The following DSCAM variants were observed in gnomAD, a reference collection of about 807,000 sequenced individuals.
DSCAM encodes cell adhesion molecule DSCAM.
In DSCAM, 47 loss-of-function variants were observed where a neutral mutation model predicts 217.7. That is an observed-to-expected ratio of 0.22 (90% CI 0.17 to 0.28). DSCAM has a LOEUF of 0.28. DSCAM is among the 10% of genes least tolerant of loss of function. The pLI is 1.00. For synonymous variants in DSCAM, 1,056 were observed against 1,015.3 expected (o/e 1.04, Z -0.76); for missense variants, 2,080 against 2,618.3 (o/e 0.79, Z 4.49).
chr21:40,826,288 G>T (rs187243676), intron 1 of DSCAM, among the ~76,000 whole-genome samples: 2 of 152,176 alleles, frequency 1.3e-5, no homozygotes, highest in South Asian at 4.1e-4. Flanking sequence ...CAGAACACGC[G>T]GCCAGTGCAG....
intron 1 of DSCAM, among the ~76,000 whole-genome samples, chr21:40,746,674 A>G (rs2091178016): frequency 6.6e-6 from 1 of 151,874 alleles, no homozygotes; most frequent in Non-Finnish European, 1.5e-5. Flanking sequence ...CAGACAGAAA[A>G]CCAACAAAGA....
intron 3 of DSCAM, among the ~76,000 whole-genome samples, chr21:40,507,139 T>G (rs1601699757): frequency 6.6e-6 from 1 of 151,948 alleles, no homozygotes; most frequent in African/African-American, 2.4e-5. Context: ...TAGCCAGGCA[T>G]GGTGGCACAC....
chr21:40,560,401 G>T (rs994445891), intron 3 of DSCAM, among the ~76,000 whole-genome samples: 2 of 152,142 alleles, frequency 1.3e-5, no homozygotes, highest in African/African-American at 4.8e-5. Context: ...GCCAGCTCTA[G>T]ATTTCACAAC....
At chr21:40,532,866 CTCTG>C (rs773083418) in intron 3 of DSCAM, among the ~76,000 whole-genome samples, 5 of 103,778 alleles carry the variant, frequency 4.8e-5, no homozygotes, top group South Asian at 7.3e-4. Flanking sequence ...AGCCACAAGG[CTCTG>C]TGTGTGTGTG....
chr21:40,663,834 ACT>A, intron 3 of DSCAM, among the ~76,000 whole-genome samples: 1 of 151,952 alleles, frequency 6.6e-6, no homozygotes, highest in Non-Finnish European at 1.5e-5. Context: ...GAAGGCAGTT[ACT>A]CCTGGAGTTT....
chr21:40,632,601 C>A (rs949530063), intron 3 of DSCAM, among the ~76,000 whole-genome samples: 1 of 152,126 alleles, frequency 6.6e-6, no homozygotes, highest in African/African-American at 2.4e-5. Context: ...CAACACTGAG[C>A]CCAAAATAAA....
rs959947901 is a variant in DSCAM, at chr21:40,144,469, A to C, written c.3259+22T>G. The C allele has an allele frequency of 6.2e-7, 1 of 1,612,182 alleles. No homozygotes were observed. The highest frequency in any genetic ancestry group is 8.5e-7 in the Non-Finnish European group (1 of 1,178,442). On this transcript the variant is annotated intron_variant, in intron 17 of 32. Transcript: ENST00000400454. The surrounding 1 kb of genome is among the most constrained non-coding windows in gnomAD (Gnocchi z 4.8). ...AACCTTTGCGGAGGGAAAAGCCACGACCAGGCCCCGGCCGAACCTACCATC... is the reference window on the plus strand; with the variant it reads ...AACCTTTGCGGAGGGAAAAGCCACGCCCAGGCCCCGGCCGAACCTACCATC...
intron 1 of DSCAM, among the ~76,000 whole-genome samples, chr21:40,788,266 C>T (rs772197013): frequency 5.9e-5 from 9 of 152,216 alleles, no homozygotes; most frequent in Admixed American, 2.6e-4. Flanking sequence ...CATCAGCACA[C>T]ATTTCTTCTT....
At chr21:40,794,145 G>A (rs1005396082) in intron 1 of DSCAM, among the ~76,000 whole-genome samples, 12 of 151,998 alleles carry the variant, frequency 7.9e-5, no homozygotes, top group Admixed American at 2.6e-4. Flanking sequence ...TTTTTATATC[G>A]CAAAGGGATT....
chr21:40,379,138 A>T (rs1160003254), intron 3 of DSCAM, among the ~76,000 whole-genome samples: 1 of 152,232 alleles, frequency 6.6e-6, no homozygotes, highest in Non-Finnish European at 1.5e-5. Flanking sequence ...GGATCAGCAG[A>T]TATCTGCCCA....
intron 32 of DSCAM, among the ~76,000 whole-genome samples, chr21:40,036,720 G>T (rs199704330): frequency 0.092 from 13,172 of 143,204 alleles, 1,633 homozygotes; most frequent in East Asian, 0.39. Context: ...CCAAAAAAGA[G>T]AATTTTAGAC....
At chr21:40,497,053 T>A (rs566104492) in intron 3 of DSCAM, among the ~76,000 whole-genome samples, 69 of 152,330 alleles carry the variant, frequency 4.5e-4, no homozygotes, top group African/African-American at 1.5e-3. Flanking sequence ...AAATTTACAC[T>A]GGTACAGCCA....
chr21:40,392,520 A>G (rs1263225537), intron 3 of DSCAM, among the ~76,000 whole-genome samples: 2 of 152,216 alleles, frequency 1.3e-5, no homozygotes, highest in Admixed American at 6.5e-5. Context: ...AGAAAGTAAT[A>G]ATCACATGAA....
chr21:40,730,741 C>A (rs902658284), intron 1 of DSCAM, among the ~76,000 whole-genome samples: 1 of 152,178 alleles, frequency 6.6e-6, no homozygotes, highest in African/African-American at 2.4e-5. Context: ...CCCGGACTCA[C>A]AATACCCCAG....
rs751993568 is a variant in DSCAM, at chr21:40,078,643, C to T, written c.4711+44G>A. The T allele has an allele frequency of 3.1e-6, 5 of 1,587,728 alleles. No individual in the cohort carries two copies. In the East Asian group the frequency reaches 6.7e-5, roughly 21 times the overall value. Reference sequence around the variant, plus strand: ...AAAGGGGCAGGGCCCACGTGCACATCCCCCAAGACACAAGCAGGAGAGCCA... The same window carrying T: ...AAAGGGGCAGGGCCCACGTGCACATTCCCCAAGACACAAGCAGGAGAGCCA... On this transcript the variant is annotated intron_variant, in intron 26 of 32. Coordinates refer to ENST00000400454, the MANE Select transcript of DSCAM (RefSeq NM_001389.5).
intron 18 of DSCAM, 73 bp from the exon 19 acceptor site, chr21:40,134,082 A>G: frequency 6.5e-7 from 1 of 1,533,488 alleles, no homozygotes; most frequent in Non-Finnish European, 8.8e-7. Flanking sequence ...CACTGTCCCC[A>G]CTGACTGTCC....
intron 1 of DSCAM, among the ~76,000 whole-genome samples, chr21:40,783,516 T>C (rs1226436724): frequency 2.0e-5 from 3 of 152,200 alleles, no homozygotes; most frequent in Admixed American, 2.0e-4. Context: ...AAGGCCTCAG[T>C]TCCACTTTTG....
At chr21:40,825,951 A>G (rs1165822085) in intron 1 of DSCAM, among the ~76,000 whole-genome samples, 1 of 152,218 alleles carries the variant, frequency 6.6e-6, no homozygotes. Flanking sequence ...TGCTTTAAAC[A>G]ACATTCATTG....
At chr21:40,752,314 C>T (rs1346914500) in intron 1 of DSCAM, among the ~76,000 whole-genome samples, 1 of 152,094 alleles carries the variant, frequency 6.6e-6, no homozygotes, top group East Asian at 1.9e-4. Flanking sequence ...ACAGCTGGGG[C>T]CCTCCCCTAG....
Sources: allele counts gnomAD v4.1 joint callset (sites outside exome capture counted in the v4.1 genomes callset), GRCh38; gene constraint gnomAD v4.1.1; non-coding constraint Gnocchi (gnomAD v3.1); transcripts MANE v1.5; gene names NCBI Gene and HGNC (gene_info 2026-07-23, HGNC 2026-07-21).